Variants in PXDNL observed in about 807,000 individuals in gnomAD.
The protein encoded by PXDNL is probable oxidoreductase PXDNL.
In PXDNL, 145 loss-of-function variants were observed where a neutral mutation model predicts 150.8. That is an observed-to-expected ratio of 0.96 (90% CI 0.84 to 1.10). The LOEUF is 1.10. Among genes scored for constraint, PXDNL ranks in the 50% least tolerant of loss-of-function variants. PXDNL has a pLI of 0.00. For synonymous variants in PXDNL, 757 were observed against 725.7 expected (o/e 1.04, Z -0.69); for missense variants, 2,087 against 1,873.9 (o/e 1.11, Z -2.10).
chr8:51,779,339 A>G (rs961025166), intron 1 of PXDNL, among the ~76,000 whole-genome samples: 3 of 152,182 alleles, frequency 2.0e-5, no homozygotes, highest in African/African-American at 7.2e-5. Context: ...CCCTGTGGGC[A>G]CCTATGTGAG....
intron 3 of PXDNL, among the ~76,000 whole-genome samples, chr8:51,587,614 T>A (rs918648916): frequency 2.6e-5 from 4 of 152,198 alleles, no homozygotes; most frequent in Admixed American, 2.0e-4. Context: ...ACAAGCACTA[T>A]AACTACCTTA....
Position 51,762,771 on chromosome 8 carries a change from T to C in PXDNL, c.164+46410A>G, listed in dbSNP as rs2037178605. ...TGTTCTCAGGACCTCCCGAGGGCTG[T>C]GTCACGGGCCATCGTCACTCATATT... On this transcript the variant is annotated intron_variant, in intron 1 of 22. Coordinates refer to ENST00000356297, the MANE Select transcript of PXDNL (RefSeq NM_144651.5). Among the ~76,000 whole-genome samples the C allele has an allele frequency of 2.0e-5, 3 of 152,194 alleles. No individual in the cohort carries two copies. The South Asian group carries it at 6.2e-4, about 32-fold the overall frequency.
chr8:51,652,599 C>G (rs576984973), intron 2 of PXDNL, among the ~76,000 whole-genome samples: 27 of 152,276 alleles, frequency 1.8e-4, no homozygotes, highest in African/African-American at 6.0e-4. Context: ...ACAGATCAAA[C>G]TCTGTGGAAC....
chr8:51,369,984 C>A (rs1160005919), intron 19 of PXDNL, among the ~76,000 whole-genome samples: 1 of 152,200 alleles, frequency 6.6e-6, no homozygotes, highest in Non-Finnish European at 1.5e-5. Context: ...TTGGTGGGGG[C>A]CTGCTCACTG....
intron 5 of PXDNL, among the ~76,000 whole-genome samples, chr8:51,487,029 G>C (rs557431431): frequency 1.3e-5 from 2 of 151,426 alleles, no homozygotes; most frequent in African/African-American, 2.4e-5. Flanking sequence ...TCTTGACCTC[G>C]TGATCGGCCC....
At chr8:51,495,622 C>G (rs1294907045) in intron 5 of PXDNL, among the ~76,000 whole-genome samples, 3 of 152,226 alleles carry the variant, frequency 2.0e-5, no homozygotes. Context: ...CACAGACACA[C>G]AAACTACCAT....
intron 4 of PXDNL, among the ~76,000 whole-genome samples, chr8:51,501,422 A>G (rs563885895): frequency 9.7e-5 from 14 of 144,856 alleles, no homozygotes; most frequent in African/African-American, 3.1e-4. Context: ...ACTCCCTCAT[A>G]CCCACACATG....
At chr8:51,426,034 A>G (rs896634093) in intron 13 of PXDNL, among the ~76,000 whole-genome samples, 2 of 152,220 alleles carry the variant, frequency 1.3e-5, no homozygotes, top group African/African-American at 4.8e-5. Context: ...TGTTTCAAAA[A>G]CTGACATTCA....
At chr8:51,347,231 T>C (rs1806187818) in intron 19 of PXDNL, among the ~76,000 whole-genome samples, 1 of 152,234 alleles carries the variant, frequency 6.6e-6, no homozygotes, top group Non-Finnish European at 1.5e-5. Context: ...GAAGAGAAAG[T>C]GAAAACCACT....
At chr8:51,461,283 G>A (rs780774115) in intron 8 of PXDNL, among the ~76,000 whole-genome samples, 88 of 152,332 alleles carry the variant, frequency 5.8e-4, no homozygotes, top group Admixed American at 9.1e-4. Context: ...TCTGGCACAG[G>A]AGCTGGGTGT....
At chr8:51,785,225 T>TTTG (rs2037449810) in intron 1 of PXDNL, among the ~76,000 whole-genome samples, 1 of 152,058 alleles carries the variant, frequency 6.6e-6, no homozygotes, top group South Asian at 2.1e-4. Flanking sequence ...AAAAATACAA[T>TTTG]GCTGGTTGTT....
At chr8:51,765,134 T>A (rs2037213598) in intron 1 of PXDNL, among the ~76,000 whole-genome samples, 1 of 152,220 alleles carries the variant, frequency 6.6e-6, no homozygotes, top group African/African-American at 2.4e-5. Flanking sequence ...GCACGGTTGA[T>A]ATGGTTTGGC....
intron 12 of PXDNL, among the ~76,000 whole-genome samples, chr8:51,435,123 T>G (rs1235495591): frequency 6.6e-6 from 1 of 151,912 alleles, no homozygotes; most frequent in Non-Finnish European, 1.5e-5. Flanking sequence ...TCGGAGACCA[T>G]CCTGGCTAAC....
In PXDNL at chr8:51,693,718, C is replaced by T. The variant is rs897592902; in HGVS notation, c.165-38958G>A. Among the ~76,000 whole-genome samples the T allele has an allele frequency of 2.0e-5, 3 of 152,112 alleles. No homozygotes were observed. In the South Asian group the frequency reaches 6.2e-4, roughly 32 times the overall value. Reference sequence around the variant, plus strand: ...AAGGGAGGCAGAAGTTGCAGTGAGCCAAGCTCACGCCACTGCACTCCGCCC... The same window carrying T: ...AAGGGAGGCAGAAGTTGCAGTGAGCTAAGCTCACGCCACTGCACTCCGCCC... On this transcript the variant is annotated intron_variant, in intron 1 of 22. Transcript: ENST00000356297.
intron 4 of PXDNL, among the ~76,000 whole-genome samples, chr8:51,513,798 T>C (rs1188737780): frequency 6.6e-6 from 1 of 152,184 alleles, no homozygotes; most frequent in Non-Finnish European, 1.5e-5. Flanking sequence ...TCTAACCAAC[T>C]ATAAAATTCT....
At chr8:51,745,869 A>G (rs1279990431) in intron 1 of PXDNL, among the ~76,000 whole-genome samples, 1 of 151,644 alleles carries the variant, frequency 6.6e-6, no homozygotes, top group East Asian at 1.9e-4. Context: ...TCGCAGGTTC[A>G]GGTGATTCTC....
chr8:51,579,238 A>G (rs2130621200), intron 3 of PXDNL, among the ~76,000 whole-genome samples: 1 of 152,132 alleles, frequency 6.6e-6, no homozygotes, highest in East Asian at 1.9e-4. Flanking sequence ...AGAATATATA[A>G]ACTCTCCAAA....
At chr8:51,397,453 A>C (rs1808117031) in intron 17 of PXDNL, among the ~76,000 whole-genome samples, 1 of 152,114 alleles carries the variant, frequency 6.6e-6, no homozygotes, top group African/African-American at 2.4e-5. Context: ...AACTTATGAG[A>C]TCCATCCATT....
chr8:51,557,043 T>C lies in PXDNL; in HGVS notation c.309-132A>G, dbSNP rs376143385. 39 of 598,440 alleles carry C rather than the reference T, an allele frequency of 6.5e-5. No individual in the cohort carries two copies. In the African/African-American group the frequency reaches 6.9e-4, roughly 11 times the overall value. 37.1% of individuals were successfully genotyped at this position (598,440 alleles called of 1,614,324 possible). ...GATGTCCATAGATTCTCTAACAATA[T>C]ATAGAAACTGTTATTTCACTTAAAT... On this transcript the variant is annotated intron_variant, in intron 3 of 22. Transcript: ENST00000356297.
Sources: allele counts gnomAD v4.1 joint callset (sites outside exome capture counted in the v4.1 genomes callset), GRCh38; gene constraint gnomAD v4.1.1; transcripts MANE v1.5; gene names NCBI Gene and HGNC (gene_info 2026-07-23, HGNC 2026-07-21).